The following DACH1 variants were observed in gnomAD, a reference collection of about 807,000 sequenced individuals.
The protein encoded by DACH1 is dachshund family transcription factor 1.
Under a neutral mutation model 54.2 loss-of-function variants are expected in DACH1, and 12 were observed. The observed-to-expected ratio is 0.22, with a 90% CI of 0.14 to 0.36. The LOEUF is 0.36. Among genes scored for constraint, DACH1 ranks in the 10% least tolerant of loss-of-function variants. The pLI, the probability that DACH1 is intolerant of heterozygous loss-of-function variation, is 1.00. For missense variants in DACH1, 805 were observed against 929.8 expected (o/e 0.87, Z 1.75); for synonymous variants, 386 against 366.2 (o/e 1.05, Z -0.62).
intron 1 of DACH1, among the ~76,000 whole-genome samples, chr13:71,788,084 G>A (rs1886681587): frequency 6.6e-6 from 1 of 152,174 alleles, no homozygotes; most frequent in South Asian, 2.1e-4. Context: ...ATGTGTATGT[G>A]TGGGTGGGTT....
intron 3 of DACH1, among the ~76,000 whole-genome samples, chr13:71,585,770 T>C (rs1254572022): frequency 6.6e-6 from 1 of 152,134 alleles, no homozygotes; most frequent in Non-Finnish European, 1.5e-5. Flanking sequence ...ATGTATCAGA[T>C]AGTCAGAAGG....
chr13:71,485,817 G>T (rs1221581457), intron 7 of DACH1, among the ~76,000 whole-genome samples: 1 of 151,398 alleles, frequency 6.6e-6, no homozygotes, highest in African/African-American at 2.4e-5. Flanking sequence ...TCTGGACCTT[G>T]AGATCCACCC....
At chr13:71,806,205 A>T (rs892572141) in intron 1 of DACH1, among the ~76,000 whole-genome samples, 1 of 152,162 alleles carries the variant, frequency 6.6e-6, no homozygotes, top group Non-Finnish European at 1.5e-5. Flanking sequence ...CAAATCTTTC[A>T]TTTATTAAAA....
At chr13:71,658,907 A>C (rs979107007) in intron 2 of DACH1, among the ~76,000 whole-genome samples, 6 of 146,920 alleles carry the variant, frequency 4.1e-5, no homozygotes, top group Non-Finnish European at 8.8e-5. Context: ...ATTTTTTCAA[A>C]TTCAGAACAT....
chr13:71,751,016 G>A lies in DACH1; in HGVS notation c.849-69106C>T, dbSNP rs190269935. Among the ~76,000 whole-genome samples, 16 of 152,282 alleles carry A rather than the reference G, an allele frequency of 1.1e-4. 1 individual carries two copies. Among genetic ancestry groups the A allele is most frequent in the Non-Finnish European group, 2.2e-4 (15 of 68,022 alleles). ...ATAATTAATGGAATGTAAATAGTCA[G>A]GAGAGGCTTCAGTTTTGCATTGTAA... On this transcript the variant is annotated intron_variant, in intron 1 of 10. Coordinates refer to ENST00000613252, the MANE Select transcript of DACH1 (RefSeq NM_080759.6).
chr13:71,779,732 T>C (rs1057084035), intron 1 of DACH1, among the ~76,000 whole-genome samples: 1 of 152,236 alleles, frequency 6.6e-6, no homozygotes, highest in Admixed American at 6.5e-5. Flanking sequence ...CCAGATCTCT[T>C]CTTTGACATC....
chr13:71,573,223 A>T (rs1463956858), intron 3 of DACH1, among the ~76,000 whole-genome samples: 1 of 152,144 alleles, frequency 6.6e-6, no homozygotes, highest in Non-Finnish European at 1.5e-5. Flanking sequence ...CCTGTGTTTA[A>T]TACAAATGGT....
chr13:71,749,165 G>A (rs1055357516), intron 1 of DACH1, among the ~76,000 whole-genome samples: 1 of 151,552 alleles, frequency 6.6e-6, no homozygotes, highest in African/African-American at 2.4e-5. Flanking sequence ...TGTATTTTCA[G>A]TAGAGATGGG....
chr13:71,578,873 C>G (rs942517917), intron 3 of DACH1, among the ~76,000 whole-genome samples: 1 of 152,086 alleles, frequency 6.6e-6, no homozygotes, highest in Admixed American at 6.6e-5. Context: ...AACTGGTTGT[C>G]TTTCATGTAA....
At chr13:71,583,563 T>A (rs569214170) in intron 3 of DACH1, among the ~76,000 whole-genome samples, 1 of 152,116 alleles carries the variant, frequency 6.6e-6, no homozygotes, top group African/African-American at 2.4e-5. Flanking sequence ...ATCTCCATGG[T>A]CAGGCACAGT....
chr13:71,664,994 T>C (rs1484237689), intron 2 of DACH1, among the ~76,000 whole-genome samples: 1 of 151,886 alleles, frequency 6.6e-6, no homozygotes, highest in African/African-American at 2.4e-5. Context: ...ACACAGAGAT[T>C]TACTACTAAT....
intron 1 of DACH1, among the ~76,000 whole-genome samples, chr13:71,833,650 T>G (rs1594278140): frequency 6.6e-6 from 1 of 152,094 alleles, no homozygotes; most frequent in East Asian, 1.9e-4. Flanking sequence ...TTTATAAGCT[T>G]TTTTGATTTA....
At chr13:71,735,419 T>C (rs115960481) in intron 1 of DACH1, among the ~76,000 whole-genome samples, 2 of 30,130 alleles carry the variant, frequency 6.6e-5, no homozygotes, top group African/African-American at 1.8e-4. Context: ...TACACGTATA[T>C]GGGATATACA....
intron 1 of DACH1, among the ~76,000 whole-genome samples, chr13:71,821,789 C>T (rs9529919): frequency 0.59 from 90,124 of 152,004 alleles, 27,481 homozygotes; most frequent in Admixed American, 0.68. Flanking sequence ...CACATTCTTC[C>T]TTAAAACTGA....
At chr13:71,482,460 C>A (rs1018437801) in intron 7 of DACH1, among the ~76,000 whole-genome samples, 2 of 152,106 alleles carry the variant, frequency 1.3e-5, no homozygotes, top group Non-Finnish European at 1.5e-5. Flanking sequence ...GTCACTGAAA[C>A]TCATGTGATA....
rs545168631 is a variant in DACH1, at chr13:71,626,418, C to T, written c.1126+4138G>A. Among the ~76,000 whole-genome samples, 35 of 152,008 alleles carry T rather than the reference C, an allele frequency of 2.3e-4. No individual in the cohort carries two copies. In the South Asian group the frequency reaches 6.0e-3, roughly 26 times the overall value. ...ATAGCTATAGACACTATCAAATTGA[C>T]CTTGGGTTCACCGGTTTTAAATTCC... On this transcript the variant is annotated intron_variant, in intron 3 of 10. Transcript: ENST00000613252.
intron 1 of DACH1, among the ~76,000 whole-genome samples, chr13:71,837,276 T>C (rs1888829031): frequency 6.6e-6 from 1 of 152,144 alleles, no homozygotes; most frequent in Non-Finnish European, 1.5e-5. Context: ...CCTTGAAAGC[T>C]TTTGGGTAGA....
chr13:71,480,415 T>G (rs1877925966), intron 7 of DACH1, among the ~76,000 whole-genome samples: 1 of 152,212 alleles, frequency 6.6e-6, no homozygotes, highest in South Asian at 2.1e-4. Flanking sequence ...ACATACTGTA[T>G]GCTTTTAAAA....
chr13:71,510,795 C>A (rs542746371), intron 6 of DACH1, among the ~76,000 whole-genome samples: 1 of 151,802 alleles, frequency 6.6e-6, no homozygotes, highest in Non-Finnish European at 1.5e-5. Flanking sequence ...TTGCAACGTT[C>A]AGTTTGTTTC....
Sources: gnomAD v4.1 joint callset for allele counts (sites outside exome capture counted in the v4.1 genomes callset) on GRCh38, gnomAD v4.1.1 for gene constraint, MANE v1.5 for transcripts, NCBI Gene and HGNC (gene_info 2026-07-23, HGNC 2026-07-21) for gene names.